The following MARCHF1 variants were observed in gnomAD, a reference collection of about 807,000 sequenced individuals.
MARCHF1 encodes membrane associated ring-CH-type finger 1.
MARCHF1 carries 40 observed loss-of-function variants against 54.2 expected under a neutral mutation model. The ratio of observed to expected loss-of-function variants is 0.74; its 90% confidence interval spans 0.57 to 0.96. The LOEUF (loss-of-function observed/expected upper bound fraction) is 0.96. Among genes scored for constraint, MARCHF1 ranks in the 40% least tolerant of loss-of-function variants. MARCHF1 has a pLI of 0.00. For missense variants in MARCHF1, 586 were observed against 656.5 expected (o/e 0.89, Z 1.17); for synonymous variants, 236 against 236.3 (o/e 1.00, Z 0.01).
chr4:163,767,329 T>C (rs545899739), intron 4 of MARCHF1, among the ~76,000 whole-genome samples: 12 of 151,882 alleles, frequency 7.9e-5, no homozygotes, highest in African/African-American at 2.7e-4. Context: ...AAACCCAACA[T>C]TGCATTGCCT....
At chr4:163,744,314 T>C (rs1746295138) in intron 4 of MARCHF1, among the ~76,000 whole-genome samples, 1 of 152,122 alleles carries the variant, frequency 6.6e-6, no homozygotes, top group South Asian at 2.1e-4. Context: ...AGGTGCAGAG[T>C]TGTATTAGAA....
intron 1 of MARCHF1, among the ~76,000 whole-genome samples, chr4:164,194,361 G>A (rs936986405): frequency 6.6e-6 from 1 of 152,102 alleles, no homozygotes; most frequent in African/African-American, 2.4e-5. Flanking sequence ...GGTGGGAAAG[G>A]CATGATGACT....
intron 1 of MARCHF1, among the ~76,000 whole-genome samples, chr4:164,240,828 G>C (rs563896464): frequency 3.9e-5 from 6 of 151,966 alleles, no homozygotes; most frequent in South Asian, 2.1e-4. Flanking sequence ...TCCATTCCTT[G>C]TTTGGGGACT....
intron 2 of MARCHF1, among the ~76,000 whole-genome samples, chr4:164,002,830 G>C (rs1005963470): frequency 8.6e-5 from 13 of 151,868 alleles, no homozygotes; most frequent in Admixed American, 7.9e-4. Context: ...CAAAAGGCCT[G>C]TTTCATAGAA....
intron 3 of MARCHF1, among the ~76,000 whole-genome samples, chr4:163,873,043 C>CA (rs34308466): frequency 0.12 from 16,517 of 138,018 alleles, 996 homozygotes; most frequent in Middle Eastern, 0.25. Flanking sequence ...GACTCCGTCT[C>CA]AAAAAAAAAA....
rs542684333 is a variant in MARCHF1, at chr4:164,165,828, A to C, written c.-322-54166T>G. On this transcript the variant is annotated intron_variant, in intron 1 of 9. Coordinates refer to ENST00000514618, the MANE Select transcript of MARCHF1 (RefSeq NM_001394959.1). The stretch of plus-strand genomic sequence containing the variant: ...TAAGCTGCTGTGTTTCTCCCTGTTA[A>C]TTATCTTCTTTCTCTTGCCTTTCCT... 2.6e-5 allele frequency among the ~76,000 whole-genome samples: 4 copies of C among 152,014 alleles called. No homozygotes were observed. In the South Asian group the frequency reaches 8.3e-4, roughly 32 times the overall value.
intron 1 of MARCHF1, among the ~76,000 whole-genome samples, chr4:164,254,749 T>C (rs1007457568): frequency 6.6e-6 from 1 of 152,116 alleles, no homozygotes; most frequent in African/African-American, 2.4e-5. Flanking sequence ...GGGAGGCTGG[T>C]AGGCCCAGCC....
chr4:163,935,539 T>C (rs544302791), intron 3 of MARCHF1, among the ~76,000 whole-genome samples: 1 of 152,288 alleles, frequency 6.6e-6, no homozygotes, highest in East Asian at 1.9e-4. Flanking sequence ...TTCTATCCTT[T>C]CTTCTGCAGC....
At chr4:164,300,356 C>T (rs1161370368) in intron 1 of MARCHF1, among the ~76,000 whole-genome samples, 1 of 152,056 alleles carries the variant, frequency 6.6e-6, no homozygotes, top group East Asian at 1.9e-4. Flanking sequence ...TTAAGATACC[C>T]AAAGATCCCA....
chr4:163,916,607 T>A (rs1344023251), intron 3 of MARCHF1, among the ~76,000 whole-genome samples: 1 of 152,112 alleles, frequency 6.6e-6, no homozygotes, highest in Non-Finnish European at 1.5e-5. Flanking sequence ...ACACACCAAC[T>A]GGGCTACTTC....
intron 4 of MARCHF1, among the ~76,000 whole-genome samples, chr4:163,771,163 T>C (rs771970404): frequency 6.6e-6 from 1 of 152,220 alleles, no homozygotes; most frequent in Non-Finnish European, 1.5e-5. Context: ...TAAGAGTAGT[T>C]GTTTTTAATT....
chr4:163,761,813 A>G (rs936579889), intron 4 of MARCHF1, among the ~76,000 whole-genome samples: 4 of 152,180 alleles, frequency 2.6e-5, no homozygotes, highest in South Asian at 4.1e-4. Flanking sequence ...ACAACACATC[A>G]TCTTGCTCTC....
At chr4:164,278,017 T>A (rs1373893313) in intron 1 of MARCHF1, among the ~76,000 whole-genome samples, 8 of 152,218 alleles carry the variant, frequency 5.3e-5, no homozygotes, top group South Asian at 2.1e-4. Flanking sequence ...ATAGATTTTT[T>A]AAAAAAAGAA....
At chr4:163,728,447 C>G (rs2111317097) in intron 4 of MARCHF1, among the ~76,000 whole-genome samples, 1 of 152,270 alleles carries the variant, frequency 6.6e-6, no homozygotes, top group South Asian at 2.1e-4. Context: ...TGGAATATCT[C>G]TCTAGTTCCT....
At chr4:164,046,767 T>G (rs1189355713) in intron 2 of MARCHF1, among the ~76,000 whole-genome samples, 1 of 152,112 alleles carries the variant, frequency 6.6e-6, no homozygotes, top group African/African-American at 2.4e-5. Context: ...TGAAAGAAAC[T>G]GTAGAAATAT....
chr4:163,592,915 C>A (rs1478918021), intron 7 of MARCHF1, among the ~76,000 whole-genome samples: 3 of 151,974 alleles, frequency 2.0e-5, no homozygotes, highest in Non-Finnish European at 4.4e-5. Flanking sequence ...CCTAGGAGTC[C>A]CAGTCAGTAT....
chr4:163,982,267 AAG>A (rs1317506403), intron 3 of MARCHF1, among the ~76,000 whole-genome samples: 1 of 152,204 alleles, frequency 6.6e-6, no homozygotes, highest in Non-Finnish European at 1.5e-5. Flanking sequence ...AGAAATGAAA[AAG>A]AGAATTAGCC....
At chr4:163,929,950 ATATAT>A (rs1369565981) in intron 3 of MARCHF1, among the ~76,000 whole-genome samples, 4 of 36,886 alleles carry the variant, frequency 1.1e-4, no homozygotes, top group Admixed American at 4.5e-4. Flanking sequence ...TTTATATTAT[ATATAT>A]TATATATAAT....
intron 3 of MARCHF1, among the ~76,000 whole-genome samples, chr4:163,928,435 T>TGCA (rs1751585525): frequency 6.6e-6 from 1 of 151,858 alleles, no homozygotes; most frequent in Non-Finnish European, 1.5e-5. Flanking sequence ...AGAGGACTCT[T>TGCA]TTTGGCATTT....
Sources: gnomAD v4.1 joint callset for allele counts (sites outside exome capture counted in the v4.1 genomes callset) on GRCh38, gnomAD v4.1.1 for gene constraint, MANE v1.5 for transcripts, NCBI Gene and HGNC (gene_info 2026-07-23, HGNC 2026-07-21) for gene names.